Variants in RFTN1 observed in about 807,000 individuals in gnomAD.
RFTN1 encodes raftlin, lipid raft linker 1.
A neutral mutation model predicts 46.5 loss-of-function variants in RFTN1; 26 were observed. That is an observed-to-expected ratio of 0.56 (90% CI 0.41 to 0.78). RFTN1 has a LOEUF of 0.78. Ranked by LOEUF, RFTN1 falls within the 30% of genes least tolerant of loss-of-function variation. The pLI, the probability that RFTN1 is intolerant of heterozygous loss-of-function variation, is 0.00. For missense variants in RFTN1, 693 were observed against 718.7 expected (o/e 0.96, Z 0.41); for synonymous variants, 261 against 284.2 (o/e 0.92, Z 0.82).
intron 2 of RFTN1, chr3:16,472,697 G>C (rs1199267034): frequency 6.6e-6 from 1 of 152,254 alleles, no homozygotes; most frequent in Non-Finnish European, 1.5e-5. Context: ...TCCCACTCCA[G>C]GAGAACGTGA....
In RFTN1 at chr3:16,315,982, T is replaced by C. The variant is rs541453825; in HGVS notation, c.*846A>G. On this transcript the variant is annotated 3_prime_UTR_variant, in exon 10 of 10. Transcript: ENST00000334133. ...TTGCATCTACCTAAAGCCTTAATAC[T>C]TTCTGGACGATATACACATGATAAA... 4 of 152,350 alleles carry C rather than the reference T, an allele frequency of 2.6e-5. No individual in the cohort carries two copies. The South Asian group carries it at 8.3e-4, about 32-fold the overall frequency. The allele number at this position is 152,350 out of a possible 1,614,324, so 9.4% of individuals were successfully genotyped here.
In RFTN1 at chr3:16,370,159, GCGTCCAAAC is replaced by G; in HGVS notation, c.938_946del (p.Gly313_Asp315del). 6.2e-7 allele frequency: 1 copy of G among 1,614,210 alleles called. No individual in the cohort carries two copies. On this transcript the variant is annotated inframe_deletion, in exon 6 of 10. Transcript: ENST00000334133. The surrounding 1 kb of genome is among the most constrained non-coding windows in gnomAD (Gnocchi z 5.5). ...GTCGCTCATGTGCTCTAACCAGTTG[GCGTCCAAAC>G]CGCTCACTGTCTGGCCATTCTTGGA... is the stretch of plus-strand genomic sequence containing the variant.
intron 7 of RFTN1, among the ~76,000 whole-genome samples, chr3:16,355,135 C>A (rs533351567): frequency 6.6e-6 from 1 of 152,188 alleles, no homozygotes; most frequent in Non-Finnish European, 1.5e-5. Flanking sequence ...AACAGAATCA[C>A]CCTAACACTC....
intron 4 of RFTN1, 98 bp downstream of exon 4, chr3:16,409,277 C>T (rs2074932697): frequency 1.2e-6 from 1 of 812,578 alleles, no homozygotes; most frequent in Non-Finnish European, 2.1e-6. Flanking sequence ...TGCATGGCCT[C>T]TTGAGTGTGG....
At chr3:16,503,619 C>T (rs1182845922) in intron 1 of RFTN1, among the ~76,000 whole-genome samples, 1 of 152,158 alleles carries the variant, frequency 6.6e-6, no homozygotes, top group Admixed American at 6.5e-5. Context: ...ATCTCTCCTA[C>T]ACCCTCACCT....
At chr3:16,441,662 T>A (rs1157042160) in intron 2 of RFTN1, among the ~76,000 whole-genome samples, 1 of 152,244 alleles carries the variant, frequency 6.6e-6, no homozygotes, top group Admixed American at 6.5e-5. Flanking sequence ...CCAGAAATCA[T>A]TTGTGACTTT....
At position 16,480,470 on chromosome 3, in the gene RFTN1, C is replaced by A. The variant is rs1290295715; in HGVS notation, c.145+13255G>T. ...TGCTAAGTGTAGCAGGTACTCCTTG[C>A]CCATGTAATTTTTACTTATCAGGAG... On this transcript the variant is annotated intron_variant, in intron 2 of 9. Transcript: ENST00000334133. This position sits in a 1 kb window ranked among gnomAD's most constrained non-coding sequence, Gnocchi z 4.3. Among the ~76,000 whole-genome samples, 2 of 152,106 alleles carry A rather than the reference C, an allele frequency of 1.3e-5. No homozygotes were observed. Among genetic ancestry groups the A allele is most frequent in the Non-Finnish European group, 2.9e-5 (2 of 68,020 alleles).
intron 7 of RFTN1, among the ~76,000 whole-genome samples, chr3:16,340,280 C>T (rs2071229611): frequency 6.6e-6 from 1 of 152,266 alleles, no homozygotes; most frequent in African/African-American, 2.4e-5. Context: ...ATGAAATAAG[C>T]TAGCACATTG....
Position 16,427,591 on chromosome 3 carries a change from T to C in RFTN1, c.332+6260A>G, listed in dbSNP as rs190685820. On this transcript the variant is annotated intron_variant, in intron 3 of 9. Transcript: ENST00000334133. This position sits in a 1 kb window ranked among gnomAD's most constrained non-coding sequence, Gnocchi z 5.4. ...GGAAACATTTCACAGACTCCAAGCA[T>C]ATGGTCAATTTGGGATGAAGCAGCT... Among the ~76,000 whole-genome samples, 11 of 152,282 alleles carry C rather than the reference T, an allele frequency of 7.2e-5. No homozygotes were observed. The East Asian group carries it at 1.7e-3, about 24-fold the overall frequency.
In RFTN1 at chr3:16,387,230, A is replaced by AG. The variant is rs562804037; in HGVS notation, c.442-9129dup. 1.5e-3 allele frequency among the ~76,000 whole-genome samples: 234 copies of AG among 152,282 alleles called. No homozygotes were observed. The highest frequency in any genetic ancestry group is 5.5e-3 in the African/African-American group (230 of 41,550). On this transcript the variant is annotated intron_variant, in intron 4 of 9. Transcript: ENST00000334133. This position sits in a 1 kb window ranked among gnomAD's most constrained non-coding sequence, Gnocchi z 5.2. ...CAGTCCACCCAGGGCCACAAGGAGG[A>AG]GGGCTCAAGGTCTCCCGCCAAGGCT...
rs149579298 is a variant in RFTN1 at position 16,373,873 on chromosome 3, G to A, written c.827-3594C>T. On this transcript the variant is annotated intron_variant, in intron 5 of 9. Coordinates refer to ENST00000334133, the MANE Select transcript of RFTN1 (RefSeq NM_015150.2). Reference sequence around the variant, plus strand: ...GAGGCAGTGGGCACCATGGTGGCGAGGCAGGGCAGGAGGGTAGAAGGGCCC... The same window carrying A: ...GAGGCAGTGGGCACCATGGTGGCGAAGCAGGGCAGGAGGGTAGAAGGGCCC... Among the ~76,000 whole-genome samples the A allele has an allele frequency of 3.4e-3, 518 of 152,290 alleles. 5 individuals carry two copies. Among genetic ancestry groups the A allele is most frequent in the Middle Eastern group, 0.014 (4 of 294 alleles).
At position 16,316,600 on chromosome 3, in the gene RFTN1, T is replaced by C. The variant is rs968097599; in HGVS notation, c.*228A>G. 3 of 610,878 alleles carry C rather than the reference T, an allele frequency of 4.9e-6. No individual in the cohort carries two copies. Among genetic ancestry groups the C allele is most frequent in the Non-Finnish European group, 8.7e-6 (3 of 344,006 alleles). The allele number at this position is 610,878 out of a possible 1,614,324, so 37.8% of individuals were successfully genotyped here. A position where few individuals can be genotyped will look rare whatever the true frequency, so the allele number is the denominator to read the frequency against. ...TGAGGGCTAGAATAACCTGACCTCT[T>C]GCATTCTAACACTGGGTCATTAATG... On this transcript the variant is annotated 3_prime_UTR_variant, in exon 10 of 10. Transcript: ENST00000334133. The surrounding 1 kb of genome is among the most constrained non-coding windows in gnomAD (Gnocchi z 4.5).
chr3:16,350,906 C>G (rs926133630), intron 7 of RFTN1, among the ~76,000 whole-genome samples: 1 of 152,098 alleles, frequency 6.6e-6, no homozygotes, highest in African/African-American at 2.4e-5. Flanking sequence ...ATATTGGCTC[C>G]CTTGTGAATT....
Position 16,447,367 on chromosome 3 carries a change from A to G in RFTN1, c.146-13330T>C, listed in dbSNP as rs1479962252. On this transcript the variant is annotated intron_variant, in intron 2 of 9. Transcript: ENST00000334133. The surrounding 1 kb of genome is among the most constrained non-coding windows in gnomAD (Gnocchi z 5.9). ...GAAGGATTACCGCCTTCTTGCATAA[A>G]CTCCCAAATTGGTGCATGGAAATAG... 6.6e-6 allele frequency among the ~76,000 whole-genome samples: 1 copy of G among 152,210 alleles called. No homozygotes were observed. The highest frequency in any genetic ancestry group is 1.5e-5 in the Non-Finnish European group (1 of 68,034).
chr3:16,342,691 TCTAATTTGCCAAGC>T lies in RFTN1; in HGVS notation c.1146+15227_1146+15240del, dbSNP rs1312899270. ...AGACTAGTTCTCAAGCCTTCTTAAG[TCTAATTTGCCAAGC>T]CTAATTTGCCACTTCACCCGAAAAG... On this transcript the variant is annotated intron_variant, in intron 7 of 9. Transcript: ENST00000334133. This position sits in a 1 kb window ranked among gnomAD's most constrained non-coding sequence, Gnocchi z 4.0. Among the ~76,000 whole-genome samples the T allele has an allele frequency of 6.6e-6, 1 of 152,216 alleles. No individual in the cohort carries two copies. The highest frequency in any genetic ancestry group is 1.5e-5 in the Non-Finnish European group (1 of 68,042).
Position 16,380,966 on chromosome 3 carries a change from A to G in RFTN1, c.442-2864T>C, listed in dbSNP as rs1306962459. 6.6e-6 allele frequency among the ~76,000 whole-genome samples: 1 copy of G among 152,206 alleles called. No individual in the cohort carries two copies. The highest frequency in any genetic ancestry group is 2.4e-5 in the African/African-American group (1 of 41,448). ...AATTTTTCAGCTGTAGAATCCAACA[A>G]ATAGTTAATAAGCCCCTACACTGGT... On this transcript the variant is annotated intron_variant, in intron 4 of 9. Transcript: ENST00000334133. The surrounding 1 kb of genome is among the most constrained non-coding windows in gnomAD (Gnocchi z 4.8).
chr3:16,440,941 G>A lies in RFTN1; in HGVS notation c.146-6904C>T, dbSNP rs971392121. ...GCAGTGTGAGCATCAGTCATACATG[G>A]AGGAGGATGTCATTCTGTTCATCCC... On this transcript the variant is annotated intron_variant, in intron 2 of 9. Coordinates refer to ENST00000334133, the MANE Select transcript of RFTN1 (RefSeq NM_015150.2). This position sits in a 1 kb window ranked among gnomAD's most constrained non-coding sequence, Gnocchi z 4.6. 1.3e-5 allele frequency among the ~76,000 whole-genome samples: 2 copies of A among 152,134 alleles called. No homozygotes were observed. Among genetic ancestry groups the A allele is most frequent in the East Asian group, 3.9e-4 (2 of 5,192 alleles).
At chr3:16,399,466 T>C (rs746301830) in intron 4 of RFTN1, among the ~76,000 whole-genome samples, 32 of 152,182 alleles carry the variant, frequency 2.1e-4, no homozygotes, top group Non-Finnish European at 4.6e-4. Context: ...ACATTAGTCT[T>C]AGGGGTTAGT....
Position 16,465,745 on chromosome 3 carries a change from G to A in RFTN1, c.145+27980C>T, listed in dbSNP as rs144062035. Among the ~76,000 whole-genome samples, 327 of 152,260 alleles carry A rather than the reference G, an allele frequency of 2.1e-3. No homozygotes were observed. The highest frequency in any genetic ancestry group is 3.5e-3 in the Non-Finnish European group (235 of 68,022). ...AATCTTTTTCTTTTCACTATACCTT[G>A]TGCAGAAGGCTGAGCAGGGGATGTC... On this transcript the variant is annotated intron_variant, in intron 2 of 9. Transcript: ENST00000334133. This position sits in a 1 kb window ranked among gnomAD's most constrained non-coding sequence, Gnocchi z 5.1.
Sources: gnomAD v4.1 joint callset for allele counts (sites outside exome capture counted in the v4.1 genomes callset) on GRCh38, gnomAD v4.1.1 for gene constraint, Gnocchi (gnomAD v3.1) non-coding constraint, MANE v1.5 for transcripts, NCBI Gene and HGNC (gene_info 2026-07-23, HGNC 2026-07-21) for gene names.